KCNN2: variants seen among roughly 807,000 people sequenced by gnomAD.
KCNN2 encodes small conductance calcium-activated potassium channel protein 2.
In KCNN2, 24 loss-of-function variants were observed where a neutral mutation model predicts 55.5. The ratio of observed to expected loss-of-function variants is 0.43; its 90% CI spans 0.31 to 0.61. The LOEUF is 0.61. KCNN2 is among the 20% of genes least tolerant of loss of function. KCNN2 has a pLI of 0.08. For synonymous variants in KCNN2, 431 were observed against 336.1 expected (o/e 1.28, Z -3.09); for missense variants, 754 against 853.6 (o/e 0.88, Z 1.45).
At chr5:114,206,550 A>T (rs1753780548) in intron 1 of KCNN2, among the ~76,000 whole-genome samples, 1 of 151,792 alleles carries the variant, frequency 6.6e-6, no homozygotes, top group South Asian at 2.1e-4. Context: ...TTCCCCTGTG[A>T]ATTTCTCTCA....
chr5:114,345,961 T>G (rs750610733), intron 2 of KCNN2, among the ~76,000 whole-genome samples: 1 of 152,078 alleles, frequency 6.6e-6, no homozygotes, highest in African/African-American at 2.4e-5. Context: ...TTGTATTTTT[T>G]TAGTAGAGAC....
At chr5:114,273,056 G>A (rs1755396691) in intron 2 of KCNN2, among the ~76,000 whole-genome samples, 1 of 152,058 alleles carries the variant, frequency 6.6e-6, no homozygotes, top group African/African-American at 2.4e-5. Flanking sequence ...GCCCTGGTAT[G>A]TGATGTTCCC....
chr5:114,079,418 C>G (rs1447531855), intron 1 of KCNN2, among the ~76,000 whole-genome samples: 1 of 152,160 alleles, frequency 6.6e-6, no homozygotes, highest in Admixed American at 6.5e-5. Context: ...TAAACTCTTT[C>G]TTAATTAAGC....
At chr5:114,251,008 A>G (rs1754847046) in intron 2 of KCNN2, among the ~76,000 whole-genome samples, 1 of 152,226 alleles carries the variant, frequency 6.6e-6, no homozygotes, top group Non-Finnish European at 1.5e-5. Context: ...ATAAAAACAG[A>G]ATATTTCCAT....
At chr5:114,414,476 G>A (rs1458163381) in intron 3 of KCNN2, among the ~76,000 whole-genome samples, 1 of 152,180 alleles carries the variant, frequency 6.6e-6, no homozygotes, top group African/African-American at 2.4e-5. Context: ...GACTGGTAGA[G>A]CAATGTCTAG....
At chr5:114,410,314 T>G (rs957765467) in intron 3 of KCNN2, among the ~76,000 whole-genome samples, 2 of 152,212 alleles carry the variant, frequency 1.3e-5, no homozygotes, top group African/African-American at 4.8e-5. Flanking sequence ...TGTGTTTTAC[T>G]GGGCACCGTT....
At chr5:114,288,497 TATACAC>T (rs1480638180) in intron 2 of KCNN2, among the ~76,000 whole-genome samples, 25 of 128,774 alleles carry the variant, frequency 1.9e-4, no homozygotes, top group African/African-American at 2.6e-4. Flanking sequence ...TATATATATA[TATACAC>T]ACACACACAC....
At chr5:114,125,494 C>G (rs934670672) in intron 1 of KCNN2, among the ~76,000 whole-genome samples, 3 of 152,148 alleles carry the variant, frequency 2.0e-5, no homozygotes, top group Non-Finnish European at 4.4e-5. Context: ...TAGGAAAGCT[C>G]TCCACTTTTA....
At position 114,467,827 on chromosome 5, in the gene KCNN2, C is replaced by CTT. The variant is rs1761527376; in HGVS notation, c.1779+4640_1779+4641dup. Among the ~76,000 whole-genome samples the CTT allele has an allele frequency of 3.9e-5, 6 of 152,326 alleles. No homozygotes were observed. The South Asian group carries it at 1.0e-3, about 26-fold the overall frequency. ...ACCCAATTTTTCTAAACTATCAGCA[C>CTT]TTTTAATTGGCAGAGCTGCCCTTCC... On this transcript the variant is annotated intron_variant, in intron 4 of 7. Coordinates refer to ENST00000673685, the MANE Select transcript of KCNN2 (RefSeq NM_021614.4).
intron 2 of KCNN2, among the ~76,000 whole-genome samples, chr5:114,399,634 CCTT>C (rs1758722185): frequency 6.6e-6 from 1 of 152,170 alleles, no homozygotes; most frequent in East Asian, 1.9e-4. Flanking sequence ...GGGAGAAGTG[CCTT>C]CTTCTCAATC....
intron 2 of KCNN2, among the ~76,000 whole-genome samples, chr5:114,322,670 T>C (rs754280586): frequency 3.9e-5 from 6 of 152,088 alleles, no homozygotes; most frequent in Non-Finnish European, 7.4e-5. Context: ...GCTAAGCATG[T>C]GAAAGGTTTG....
intron 1 of KCNN2, among the ~76,000 whole-genome samples, chr5:114,171,149 G>A (rs964767568): frequency 6.6e-6 from 1 of 151,716 alleles, no homozygotes; most frequent in African/African-American, 2.4e-5. Flanking sequence ...TATATTGTAT[G>A]CATCAATGAC....
At chr5:114,195,067 G>C (rs1190870152) in intron 1 of KCNN2, among the ~76,000 whole-genome samples, 3 of 151,926 alleles carry the variant, frequency 2.0e-5, no homozygotes, top group South Asian at 4.1e-4. Context: ...CCTTGTGCCA[G>C]TGCCACACTG....
At chr5:114,469,732 A>T (rs1379076607) in intron 4 of KCNN2, among the ~76,000 whole-genome samples, 1 of 152,220 alleles carries the variant, frequency 6.6e-6, no homozygotes, top group South Asian at 2.1e-4. Flanking sequence ...TTAAATTACT[A>T]TAACCATGAA....
chr5:114,337,717 C>T (rs1318774816), intron 2 of KCNN2, among the ~76,000 whole-genome samples: 3 of 152,058 alleles, frequency 2.0e-5, no homozygotes, highest in Admixed American at 1.3e-4. Context: ...AGAAAAAATT[C>T]CCACTCTTGG....
rs181600752 is a variant in KCNN2 at position 114,156,292 on chromosome 5, G to A, written c.-270-65188G>A. On this transcript the variant is annotated intron_variant, in intron 1 of 10. Transcript: ENST00000512097. Reference sequence around the variant, plus strand: ...CTGTTTTGGTTACTGTAGCCCTGTAGTATAGTTTAAAGTCAGGTAGCATGA... The same window carrying A: ...CTGTTTTGGTTACTGTAGCCCTGTAATATAGTTTAAAGTCAGGTAGCATGA... 1.8e-3 allele frequency among the ~76,000 whole-genome samples: 277 copies of A among 152,272 alleles called. 1 individual carries two copies. Among genetic ancestry groups the A allele is most frequent in the African/African-American group, 6.3e-3 (260 of 41,560 alleles).
intron 2 of KCNN2, among the ~76,000 whole-genome samples, chr5:114,321,330 T>G (rs2150029574): frequency 6.6e-6 from 1 of 152,310 alleles, no homozygotes; most frequent in South Asian, 2.1e-4. Flanking sequence ...ACTCCCAAGC[T>G]CTGCTAAGAA....
intron 1 of KCNN2, among the ~76,000 whole-genome samples, chr5:114,089,513 C>T: frequency 6.6e-6 from 1 of 152,122 alleles, no homozygotes; most frequent in East Asian, 1.9e-4. Context: ...GAATCTCATC[C>T]TACTCATGTG....
intron 2 of KCNN2, among the ~76,000 whole-genome samples, chr5:114,387,233 G>C (rs1367322097): frequency 6.6e-6 from 1 of 152,224 alleles, no homozygotes; most frequent in African/African-American, 2.4e-5. Flanking sequence ...TTCAGAGCTA[G>C]TCCCATGATT....
Sources: allele counts gnomAD v4.1 joint callset (sites outside exome capture counted in the v4.1 genomes callset), GRCh38; gene constraint gnomAD v4.1.1; transcripts MANE v1.5; gene names NCBI Gene and HGNC (gene_info 2026-07-23, HGNC 2026-07-21).